The following LDLRAD4 variants were observed in gnomAD, a reference collection of about 807,000 sequenced individuals.
LDLRAD4 encodes low density lipoprotein receptor class A domain containing 4, also known as low-density lipoprotein receptor class A domain-containing protein 4.
Under a neutral mutation model 17.0 loss-of-function variants are expected in LDLRAD4, and 5 were observed. The observed-to-expected ratio is 0.29, with a 90% confidence interval of 0.15 to 0.62. The LOEUF (loss-of-function observed/expected upper bound fraction) is 0.62. Ranked by LOEUF, LDLRAD4 falls within the 20% of genes least tolerant of loss-of-function variation. LDLRAD4 has a pLI of 0.84. For missense variants in LDLRAD4, 340 were observed against 424.7 expected (o/e 0.80, Z 1.75); for synonymous variants, 168 against 171.8 (o/e 0.98, Z 0.17).
At chr18:13,515,092 T>C (rs1283031062) in intron 3 of LDLRAD4, 2 of 152,232 alleles carry the variant, frequency 1.3e-5, no homozygotes, top group Non-Finnish European at 2.9e-5. Context: ...ATTACATAAC[T>C]GTTAAAGGGT....
chr18:13,645,670 T>G lies in LDLRAD4; in HGVS notation c.*13T>G. 6.7e-7 allele frequency: 1 copy of G among 1,501,100 alleles called. No homozygotes were observed. Among genetic ancestry groups the G allele is most frequent in the South Asian group, 1.4e-5 (1 of 70,576 alleles). 93.0% of individuals were successfully genotyped at this position (1,501,100 alleles called of 1,614,324 possible). A position where few individuals can be genotyped will look rare whatever the true frequency, so the allele number is the denominator to read the frequency against. ...GAACCTGGTCTGATTCCTTCCAACG[T>G]GCACTTCAGCTGGAGAAAGAAACCA... On this transcript the variant is annotated 3_prime_UTR_variant, in exon 6 of 6. Transcript: ENST00000359446. This position sits in a 1 kb window ranked among gnomAD's most constrained non-coding sequence, Gnocchi z 5.7.
chr18:13,260,532 G>A (rs1017010156), intron 1 of LDLRAD4, among the ~76,000 whole-genome samples: 2 of 152,200 alleles, frequency 1.3e-5, no homozygotes, highest in Admixed American at 6.5e-5. Context: ...ATTTGCTCCC[G>A]TTCAGGGTGA....
At chr18:13,539,693 C>T (rs1265081104) in intron 3 of LDLRAD4, among the ~76,000 whole-genome samples, 1 of 152,008 alleles carries the variant, frequency 6.6e-6, no homozygotes, top group Non-Finnish European at 1.5e-5. Context: ...GGAGGAAAGA[C>T]ATGACATCTG....
chr18:13,290,133 T>C (rs2045882017), intron 1 of LDLRAD4, among the ~76,000 whole-genome samples: 2 of 152,186 alleles, frequency 1.3e-5, no homozygotes, highest in African/African-American at 4.8e-5. Context: ...TGCCTCCCCT[T>C]TGCTGATGGG....
intron 1 of LDLRAD4, among the ~76,000 whole-genome samples, chr18:13,303,203 G>A (rs2046706210): frequency 6.6e-6 from 1 of 152,176 alleles, no homozygotes; most frequent in African/African-American, 2.4e-5. Context: ...CAGATGTCTC[G>A]TCAGATCCGT....
At chr18:13,505,010 G>A (rs1001085981) in intron 3 of LDLRAD4, among the ~76,000 whole-genome samples, 8 of 152,336 alleles carry the variant, frequency 5.3e-5, no homozygotes, top group Non-Finnish European at 1.0e-4. Context: ...TGGGGACGGG[G>A]ATGGGGATCT....
intron 1 of LDLRAD4, among the ~76,000 whole-genome samples, chr18:13,323,431 G>T (rs1284735747): frequency 2.0e-5 from 3 of 152,232 alleles, no homozygotes; most frequent in African/African-American, 7.2e-5. Flanking sequence ...AAGGAATGAG[G>T]ATAGTTTTTG....
chr18:13,287,727 T>C lies in LDLRAD4; in HGVS notation c.-383+9539T>C, dbSNP rs183673527. ...GAGAGAGAAACACTTATTATGAGGA[T>C]TGGATTTAGTCCCAATTGAAACCTG... On this transcript the variant is annotated intron_variant, in intron 1 of 5. Coordinates refer to ENST00000359446, the Ensembl canonical transcript of LDLRAD4. 4.5e-3 allele frequency among the ~76,000 whole-genome samples: 686 copies of C among 152,316 alleles called. 9 individuals are homozygous for C. The highest frequency in any genetic ancestry group is 0.014 in the African/African-American group (601 of 41,568).
chr18:13,580,169 C>G (rs924037109), intron 3 of LDLRAD4, among the ~76,000 whole-genome samples: 1 of 152,190 alleles, frequency 6.6e-6, no homozygotes, highest in African/African-American at 2.4e-5. Context: ...TTCTGTGCCT[C>G]GTGCATACTG....
At chr18:13,434,135 G>A (rs796935979) in intron 2 of LDLRAD4, among the ~76,000 whole-genome samples, 72 of 151,826 alleles carry the variant, frequency 4.7e-4, no homozygotes, top group African/African-American at 1.5e-3. Flanking sequence ...GAAGCTTTAT[G>A]TAGAAATGCA....
At chr18:13,582,032 G>T (rs1304715519) in intron 3 of LDLRAD4, among the ~76,000 whole-genome samples, 1 of 152,156 alleles carries the variant, frequency 6.6e-6, no homozygotes, top group African/African-American at 2.4e-5. Flanking sequence ...TGTGAAAGGA[G>T]CATGGCCTTG....
rs142335902 is a variant in LDLRAD4 at position 13,630,058 on chromosome 18, C to T, written c.336+8787C>T. On this transcript the variant is annotated intron_variant, in intron 4 of 5. Transcript: ENST00000359446. ...CTTTCTCATTCCCAGGCTGATTCCTCTTGAAGTCCGATTGCTCACTAACCC... is the reference window on the plus strand; with the variant it reads ...CTTTCTCATTCCCAGGCTGATTCCTTTTGAAGTCCGATTGCTCACTAACCC... Among the ~76,000 whole-genome samples the T allele has an allele frequency of 2.6e-3, 388 of 151,696 alleles. 5 individuals carry two copies. Among genetic ancestry groups the T allele is most frequent in the African/African-American group, 9.2e-3 (377 of 40,966 alleles).
intron 4 of LDLRAD4, among the ~76,000 whole-genome samples, chr18:13,641,301 A>G (rs1009543832): frequency 6.6e-6 from 1 of 152,196 alleles, no homozygotes; most frequent in South Asian, 2.1e-4. Context: ...GGATAGGTAA[A>G]TAGAGAGAGA....
At chr18:13,381,914 G>A (rs1230089636) in intron 1 of LDLRAD4, among the ~76,000 whole-genome samples, 1 of 152,136 alleles carries the variant, frequency 6.6e-6, no homozygotes, top group African/African-American at 2.4e-5. Context: ...GCCCCAGTTT[G>A]CCGAGGTTTA....
intron 1 of LDLRAD4, among the ~76,000 whole-genome samples, chr18:13,310,272 G>A (rs564480783): frequency 6.6e-6 from 1 of 151,858 alleles, no homozygotes; most frequent in East Asian, 1.9e-4. Flanking sequence ...ATCACTTGAG[G>A]CAGGAGGTCG....
In LDLRAD4 at chr18:13,247,279, A is replaced by G. The variant is rs182634997; in HGVS notation, c.-467+28291A>G. On this transcript the variant is annotated intron_variant, in intron 1 of 5. Transcript: ENST00000399848. ...TTCAGAAGACTTACGAAGATTGTGC[A>G]GAGTTCCTATATGCCCTGCTTCCTG... Among the ~76,000 whole-genome samples, 249 of 152,338 alleles carry G rather than the reference A, an allele frequency of 1.6e-3. 2 individuals are homozygous for G. The highest frequency in any genetic ancestry group is 2.6e-3 in the Non-Finnish European group (174 of 68,036).
chr18:13,384,080 G>A (rs963237036), intron 1 of LDLRAD4, among the ~76,000 whole-genome samples: 12 of 152,108 alleles, frequency 7.9e-5, no homozygotes, highest in African/African-American at 2.4e-4. Flanking sequence ...CCATGACCAC[G>A]CTTAGACCTC....
chr18:13,490,116 T>C lies in LDLRAD4; in HGVS notation c.181+51732T>C, dbSNP rs2093328255. ...AGGCTCCTGTTTTGGGCACTCCATC[T>C]GCCCTGCTGCCGTGAAAGCTCTCGG... On this transcript the variant is annotated intron_variant, in intron 3 of 5. Transcript: ENST00000359446. The C allele has an allele frequency of 2.0e-5, 3 of 152,154 alleles. No individual in the cohort carries two copies. In the South Asian group the frequency reaches 6.2e-4, roughly 32 times the overall value. 9.4% of individuals were successfully genotyped at this position (152,154 alleles called of 1,614,324 possible). A position where few individuals can be genotyped will look rare whatever the true frequency, so the allele number is the denominator to read the frequency against.
intron 3 of LDLRAD4, among the ~76,000 whole-genome samples, chr18:13,545,525 G>T (rs970047640): frequency 1.3e-5 from 2 of 152,058 alleles, no homozygotes; most frequent in African/African-American, 4.8e-5. Context: ...GTCTTGTCCT[G>T]CTGGGATCCA....
Sources: allele counts gnomAD v4.1 joint callset (sites outside exome capture counted in the v4.1 genomes callset), GRCh38; gene constraint gnomAD v4.1.1; non-coding constraint Gnocchi (gnomAD v3.1); transcripts MANE v1.5; gene names NCBI Gene and HGNC (gene_info 2026-07-23, HGNC 2026-07-21).